ZFYVE26: variants seen among roughly 807,000 people sequenced by gnomAD.
ZFYVE26 encodes the protein zinc finger FYVE domain-containing protein 26.
Under a neutral mutation model 276.5 loss-of-function variants are expected in ZFYVE26, and 181 were observed. The observed-to-expected ratio is 0.65, with a 90% confidence interval of 0.58 to 0.74. The LOEUF is 0.74. Ranked by LOEUF, ZFYVE26 falls within the 30% of genes least tolerant of loss-of-function variation. The pLI, the probability that ZFYVE26 is intolerant of heterozygous loss-of-function variation, is 0.00. For missense variants in ZFYVE26, 2,821 were observed against 3,097.9 expected, an observed-to-expected ratio of 0.91 and a Z score of 2.12; for synonymous variants, 1,129 against 1,203.1, an observed-to-expected ratio of 0.94 and a Z score of 1.27.
In ZFYVE26 at chr14:67,733,742, C is replaced by T. The variant is rs1259469107; in HGVS notation, n.2680-3923G>A. 1.2e-6 allele frequency: 2 copies of T among 1,606,258 alleles called. No homozygotes were observed. Among genetic ancestry groups the T allele is most frequent in the African/African-American group, 1.3e-5 (1 of 74,788 alleles). On this transcript the variant is annotated intron_variant and non_coding_transcript_variant, in intron 13 of 14. Transcript: ENST00000394455. ...GGAATTTACTGTCTTTCTCTGCCCT[C>T]CAGTGACTGCAAGAGGACCTGGGTG... is the stretch of plus-strand genomic sequence containing the variant.
Position 67,761,473 on chromosome 14 carries a change from GGTA to G in ZFYVE26, c.6478_6480del (p.Tyr2160del), listed in dbSNP as rs1555394298. On this transcript the variant is annotated inframe_deletion, in exon 35 of 42. Coordinates refer to ENST00000347230, the MANE Select transcript of ZFYVE26 (RefSeq NM_015346.4). ...TTGTGCAGGTAGAAGAGGCATTCCT[GGTA>G]GTAGGTGTTGTTCATGATTTTCCCT... 1 of 1,614,182 alleles carries G rather than the reference GGTA, an allele frequency of 6.2e-7. No homozygotes were observed. Among genetic ancestry groups the G allele is most frequent in the Non-Finnish European group, 8.5e-7 (1 of 1,180,022 alleles).
chr14:67,783,604 TAC>T lies in ZFYVE26; in HGVS notation c.3627-81_3627-80del, dbSNP rs1344041356. The T allele has an allele frequency of 2.6e-6, 4 of 1,562,828 alleles. No homozygotes were observed. The East Asian group carries it at 6.7e-5, about 26-fold the overall frequency. On this transcript the variant is annotated intron_variant, in intron 20 of 41. Transcript: ENST00000347230. ...ACCAGTCTTACAATTTCTTTATGCT[TAC>T]ATGAGCAAATGTAAATAAAAGTTCC...
intron 23 of ZFYVE26, among the ~76,000 whole-genome samples, chr14:67,779,205 T>C (rs1216736665): frequency 6.6e-6 from 1 of 151,756 alleles, no homozygotes; most frequent in Admixed American, 6.5e-5. Context: ...TTAGTTATCA[T>C]GTAAATTAAA....
Position 67,775,090 on chromosome 14 carries a change from A to G in ZFYVE26, c.5246T>C (p.Ile1749Thr), listed in dbSNP as rs1199703921. 1.2e-6 allele frequency: 2 copies of G among 1,611,456 alleles called. No homozygotes were observed. The highest frequency in any genetic ancestry group is 1.3e-5 in the African/African-American group (1 of 74,920). The change falls in exon 27 of 42, where the codon ATT becomes ACT. Residue 1749 changes from isoleucine to threonine, a missense_variant. Ile to Thr is a moderately conservative substitution (Grantham distance 89, BLOSUM62 -1). Coordinates refer to ENST00000347230, the MANE Select transcript of ZFYVE26 (RefSeq NM_015346.4). ...RSDSVIHLQEIVHQAADPETL... is the reference protein window; with the variant it reads ...RSDSVIHLQETVHQAADPETL... ...CTCGGGATCTGCAGCCTGGTGGACA[A>G]TTTCTTGGAGGTGAATCACAGAATC...
intron 13 of ZFYVE26, chr14:67,734,404 C>T (rs752589582): frequency 6.5e-6 from 1 of 155,012 alleles, no homozygotes; most frequent in Non-Finnish European, 1.4e-5. Context: ...GTAAAGAGTT[C>T]CGTTTGCCTT....
At chr14:67,800,809 A>T (rs2040060991) in intron 10 of ZFYVE26, among the ~76,000 whole-genome samples, 1 of 152,146 alleles carries the variant, frequency 6.6e-6, no homozygotes, top group Non-Finnish European at 1.5e-5. Flanking sequence ...TGTGGCTACA[A>T]ATAGGTTAAA....
At chr14:67,786,427 G>A (rs2039661357) in intron 16 of ZFYVE26, among the ~76,000 whole-genome samples, 194 bp from the exon 17 acceptor site, 1 of 152,168 alleles carries the variant, frequency 6.6e-6, no homozygotes, top group Non-Finnish European at 1.5e-5. Context: ...GACTGACTCT[G>A]GCAAGATGCC....
At position 67,785,235 on chromosome 14, in the gene ZFYVE26, G is replaced by A; in HGVS notation, c.3347C>T (p.Ala1116Val). ...PPLSSLVEQA[A>V]QKAPEAEAHP... is the part of the protein sequence containing the mutation. ...GGCCTCTGCCTCTGGAGCTTTCTGG[G>A]CTGCCTGCTCCACCAGGGAAGACAG... The change falls in exon 19 of 42, where the codon GCC (alanine) becomes GTC (valine). Residue 1116 changes from alanine to valine, a missense_variant. Transcript: ENST00000347230. 1 of 1,613,202 alleles carries A rather than the reference G, an allele frequency of 6.2e-7. No homozygotes were observed. Among genetic ancestry groups the A allele is most frequent in the Non-Finnish European group, 8.5e-7 (1 of 1,179,496 alleles).
intron 37 of ZFYVE26, 137 bp downstream of exon 37, chr14:67,754,914 A>T: frequency 9.9e-7 from 1 of 1,008,234 alleles, no homozygotes; most frequent in East Asian, 2.4e-5. Flanking sequence ...CTTGTACTAC[A>T]CACTGTCATC....
Position 67,755,092 on chromosome 14 carries a change from G to A in ZFYVE26, c.6945C>T (p.Thr2315=), listed in dbSNP as rs2038743413. 1 of 1,613,980 alleles carries A rather than the reference G, an allele frequency of 6.2e-7. No homozygotes were observed. Among genetic ancestry groups the A allele is most frequent in the African/African-American group, 1.3e-5 (1 of 74,886 alleles). The change falls in exon 37 of 42, where the codon ACC becomes ACT. Residue 2315 remains threonine (T), a synonymous_variant. Coordinates refer to ENST00000347230, the MANE Select transcript of ZFYVE26 (RefSeq NM_015346.4). ...CAGTCATCTTCTTTCTGAAGAATGT[G>A]GTTTTCTTCCTTCCAGAGCTGCGGG... ...ETSRSSGRKK[T]TFFRKKMTAA... is the part of the protein sequence containing the mutation.
intron 28 of ZFYVE26, among the ~76,000 whole-genome samples, chr14:67,770,775 T>TTA: frequency 1.3e-5 from 2 of 152,270 alleles, no homozygotes; most frequent in Middle Eastern, 6.8e-3. Context: ...TAGAAACTCT[T>TTA]TCTATAATCT....
Position 67,729,995 on chromosome 14 carries a change from T to C in ZFYVE26, n.2680-176A>G, listed in dbSNP as rs74061509. On this transcript the variant is annotated intron_variant and non_coding_transcript_variant, in intron 13 of 14. Transcript: ENST00000394455. ...TGTTCAAGGCTTTTCATCAGTGCAG[T>C]ATTTATTCCGTGAAGCACTGGAAAT... is the stretch of plus-strand genomic sequence containing the variant. Among the ~76,000 whole-genome samples, 560 of 152,326 alleles carry C rather than the reference T, an allele frequency of 3.7e-3. 3 individuals are homozygous for C. The highest frequency in any genetic ancestry group is 0.013 in the African/African-American group (524 of 41,564).
Position 67,754,071 on chromosome 14 carries a change from C to T in ZFYVE26, c.7128G>A (p.Lys2376=). 6.2e-7 allele frequency: 1 copy of T among 1,614,200 alleles called. No individual in the cohort carries two copies. The highest frequency in any genetic ancestry group is 8.5e-7 in the Non-Finnish European group (1 of 1,180,032). ...CAGAGGTCTGAAACGCTGCATGTAC[C>T]TTGCAGGCAACATCCATTTTCATGT... ...NNHMKMDVAC[K]VMLGGKNVED... Residue 2376 remains lysine (K), a splice_region_variant and synonymous_variant, in exon 38 of 42, where the codon AAG becomes AAA. Coordinates refer to ENST00000347230, the MANE Select transcript of ZFYVE26 (RefSeq NM_015346.4).
chr14:67,761,587 G>A lies in ZFYVE26; in HGVS notation c.6370-3C>T. 1 of 1,613,716 alleles carries A rather than the reference G, an allele frequency of 6.2e-7. No homozygotes were observed. The highest frequency in any genetic ancestry group is 8.5e-7 in the Non-Finnish European group (1 of 1,179,818). ...GTGGCAAAGTAATCGTCATCTTGCT[G>A]ACAGCACAGGGAGCGAGAGAGAAAA... On this transcript the variant is annotated splice_polypyrimidine_tract_variant and splice_region_variant and intron_variant, in intron 34 of 41. Transcript: ENST00000347230.
chr14:67,738,839 T>A (rs1276352828), intron 13 of ZFYVE26, among the ~76,000 whole-genome samples: 3 of 152,242 alleles, frequency 2.0e-5, no homozygotes, highest in Non-Finnish European at 4.4e-5. Context: ...TGTTCCAGTG[T>A]CTACCTCTGC....
chr14:67,798,208 A>G lies in ZFYVE26; in HGVS notation c.2054T>C (p.Ile685Thr), dbSNP rs1393345852. The change falls in exon 11 of 42, where the codon ATA becomes ACA. Residue 685 changes from isoleucine to threonine, a missense_variant. By Grantham distance (89) the Ile-to-Thr change is moderately conservative. Transcript: ENST00000347230. ...ISGFLADEFA[I>T]GAFLRLLQEQ... ...TTGGAGAAGCCTGAGGAAGGCCCCT[A>G]TTGCAAATTCATCAGCCAGAAATCC... 4 of 1,614,162 alleles carry G rather than the reference A, an allele frequency of 2.5e-6. No homozygotes were observed. The highest frequency in any genetic ancestry group is 3.4e-6 in the Non-Finnish European group (4 of 1,180,026).
At chr14:67,779,024 G>T (rs1012934357) in intron 23 of ZFYVE26, among the ~76,000 whole-genome samples, 1 of 152,124 alleles carries the variant, frequency 6.6e-6, no homozygotes, top group African/African-American at 2.4e-5. Context: ...AATAATTTTT[G>T]TTTCACCACC....
intron 25 of ZFYVE26, among the ~76,000 whole-genome samples, chr14:67,776,386 C>G (rs763026189): frequency 6.6e-6 from 1 of 152,214 alleles, no homozygotes; most frequent in Non-Finnish European, 1.5e-5. Context: ...TCCATAATGT[C>G]TGTCTCAAAC....
chr14:67,739,288 C>T (rs1050400900), intron 13 of ZFYVE26, among the ~76,000 whole-genome samples: 1 of 152,130 alleles, frequency 6.6e-6, no homozygotes, highest in Non-Finnish European at 1.5e-5. Flanking sequence ...CAAAAACTAG[C>T]GCACACGCCG....
Sources: gnomAD v4.1 joint callset for allele counts (sites outside exome capture counted in the v4.1 genomes callset) on GRCh38, gnomAD v4.1.1 for gene constraint, MANE v1.5 for transcripts, NCBI Gene and HGNC (gene_info 2026-07-23, HGNC 2026-07-21) for gene names.